Variants in CACNA1C observed in about 807,000 individuals in gnomAD.
The protein encoded by CACNA1C is voltage-dependent L-type calcium channel subunit alpha-1C.
In CACNA1C, 30 loss-of-function variants were observed where a neutral mutation model predicts 229.0. That is an observed-to-expected ratio of 0.13 (90% CI 0.10 to 0.18). The LOEUF (loss-of-function observed/expected upper bound fraction) is 0.18. Ranked by LOEUF, CACNA1C falls within the 10% of genes least tolerant of loss-of-function variation. The probability of loss-of-function intolerance (pLI) is 1.00; values close to 1 mark genes in which losing one functional copy is unlikely to be tolerated. For missense variants in CACNA1C, 1,658 were observed against 2,845.0 expected (o/e 0.58, Z 9.49); for synonymous variants, 1,114 against 1,132.5 (o/e 0.98, Z 0.33).
intron 1 of CACNA1C, among the ~76,000 whole-genome samples, chr12:2,058,000 C>T (rs973641320): frequency 1.1e-4 from 16 of 152,206 alleles, no homozygotes; most frequent in Non-Finnish European, 2.4e-4. Flanking sequence ...TATGAGTCTG[C>T]CTGGATCTCC....
Position 1,971,086 on chromosome 12 carries a change from T to A in CACNA1C, c.24T>A (p.Pro8=). 1 of 1,289,638 alleles carries A rather than the reference T, an allele frequency of 7.8e-7. No homozygotes were observed. Among genetic ancestry groups the A allele is most frequent in the Non-Finnish European group, 1.0e-6 (1 of 988,722 alleles). 79.9% of individuals were successfully genotyped at this position (1,289,638 alleles called of 1,614,324 possible). Residue 8 remains proline (P), a synonymous_variant, in exon 1 of 47, where the codon CCT becomes CCA. Transcript: ENST00000682462. This position sits in a 1 kb window ranked among gnomAD's most constrained non-coding sequence, Gnocchi z 4.2. ...CAATGCTTCGAGCCTTTGTTCAGCC[T>A]GGTACGCCTGCATACCAGCCGCTTC... is the stretch of plus-strand genomic sequence containing the variant.
intron 3 of CACNA1C, among the ~76,000 whole-genome samples, chr12:2,276,240 C>G (rs545999945): frequency 3.3e-5 from 5 of 152,098 alleles, no homozygotes; most frequent in Non-Finnish European, 5.9e-5. Flanking sequence ...GATATGAACC[C>G]GAATCTCTGT....
chr12:2,273,968 C>T (rs2086460036), intron 3 of CACNA1C, among the ~76,000 whole-genome samples: 1 of 152,180 alleles, frequency 6.6e-6, no homozygotes, highest in South Asian at 2.1e-4. Context: ...GTGGGCTGTG[C>T]TTGGCAGCCT....
At chr12:2,500,585 C>T (rs1465118751) in intron 7 of CACNA1C, among the ~76,000 whole-genome samples, 1 of 152,156 alleles carries the variant, frequency 6.6e-6, no homozygotes, top group African/African-American at 2.4e-5. Flanking sequence ...CTGTGGTGAG[C>T]ACGTCGTGGC....
intron 9 of CACNA1C, among the ~76,000 whole-genome samples, chr12:2,536,942 C>A (rs886573781): frequency 2.0e-5 from 3 of 152,222 alleles, no homozygotes; most frequent in Non-Finnish European, 4.4e-5. Flanking sequence ...GGAAACCGAG[C>A]CACAGAAGAG....
At chr12:2,552,297 C>A (rs532041730) in intron 10 of CACNA1C, among the ~76,000 whole-genome samples, 34 of 146,542 alleles carry the variant, frequency 2.3e-4, no homozygotes, top group African/African-American at 7.7e-4. Context: ...GTGGGAGAGA[C>A]ACTATGCAAA....
In CACNA1C at chr12:2,403,813, G is replaced by A. The variant is rs1314080752; in HGVS notation, c.478-45163G>A. Among the ~76,000 whole-genome samples, 2 of 152,186 alleles carry A rather than the reference G, an allele frequency of 1.3e-5. No individual in the cohort carries two copies. Among genetic ancestry groups the A allele is most frequent in the South Asian group, 2.1e-4 (1 of 4,828 alleles). On this transcript the variant is annotated intron_variant, in intron 3 of 46. Transcript: ENST00000399655. The surrounding 1 kb of genome is among the most constrained non-coding windows in gnomAD (Gnocchi z 4.1). ...GGTGCCTTTCCCACCACAAGATGAC[G>A]AAGATGTGGTGTTGACAGACTGCTG...
At chr12:2,606,540 GCTCA>G (rs1054802525) in intron 24 of CACNA1C, 67 bp from the exon 25 acceptor site, 14 of 1,245,670 alleles carry the variant, frequency 1.1e-5, no homozygotes, top group Middle Eastern at 1.8e-4. Flanking sequence ...CTATGGAGAT[GCTCA>G]CTAATTGCTT....
chr12:2,319,170 C>T lies in CACNA1C; in HGVS notation c.478-129806C>T, dbSNP rs2095843332. Among the ~76,000 whole-genome samples, 1 of 152,072 alleles carries T rather than the reference C, an allele frequency of 6.6e-6. No individual in the cohort carries two copies. Among genetic ancestry groups the T allele is most frequent in the South Asian group, 2.1e-4 (1 of 4,826 alleles). On this transcript the variant is annotated intron_variant, in intron 3 of 46. Transcript: ENST00000399655. This position sits in a 1 kb window ranked among gnomAD's most constrained non-coding sequence, Gnocchi z 4.0. ...ACCTGTCCTGGGCAGGCAGGGGTCC[C>T]CACATATCACTGCACCCTCGTGGGC...
At chr12:2,277,005 C>T (rs552750726) in intron 3 of CACNA1C, among the ~76,000 whole-genome samples, 1 of 152,266 alleles carries the variant, frequency 6.6e-6, no homozygotes, top group African/African-American at 2.4e-5. Flanking sequence ...CTGCTCATCA[C>T]AGGGGTTGCA....
chr12:2,642,512 A>T (rs528537014), intron 30 of CACNA1C, among the ~76,000 whole-genome samples: 1 of 152,254 alleles, frequency 6.6e-6, no homozygotes, highest in Non-Finnish European at 1.5e-5. Context: ...TAGTGAGGAG[A>T]CACAGGAAGG....
chr12:2,540,961 C>T (rs2099868539), intron 9 of CACNA1C, among the ~76,000 whole-genome samples: 3 of 152,138 alleles, frequency 2.0e-5, no homozygotes, highest in African/African-American at 7.2e-5. Flanking sequence ...CTTGGTTCCT[C>T]CTGAGGGTCA....
intron 3 of CACNA1C, among the ~76,000 whole-genome samples, chr12:2,373,763 C>G (rs1036535694): frequency 6.6e-6 from 1 of 152,168 alleles, no homozygotes; most frequent in African/African-American, 2.4e-5. Flanking sequence ...TTCCTTTTGC[C>G]TTTCCATTAG....
chr12:2,585,919 G>T lies in CACNA1C; in HGVS notation c.2530+15G>T. On this transcript the variant is annotated intron_variant, in intron 18 of 46. Coordinates refer to ENST00000399655, the MANE Select transcript of CACNA1C (RefSeq NM_000719.7). The surrounding 1 kb of genome is among the most constrained non-coding windows in gnomAD (Gnocchi z 4.1). The stretch of plus-strand genomic sequence containing the variant: ...AGAAACTACAGGTACCAGTCCCACT[G>T]CCTAACCTGGGATTGGGAGATTGGG... 1 of 1,526,994 alleles carries T rather than the reference G, an allele frequency of 6.5e-7. No homozygotes were observed. Among genetic ancestry groups the T allele is most frequent in the Non-Finnish European group, 8.9e-7 (1 of 1,119,506 alleles). The allele number at this position is 1,526,994 out of a possible 1,614,324, so 94.6% of individuals were successfully genotyped here.
intron 4 of CACNA1C, among the ~76,000 whole-genome samples, chr12:2,453,001 G>A (rs990985441): frequency 6.6e-6 from 1 of 152,178 alleles, no homozygotes; most frequent in African/African-American, 2.4e-5. Flanking sequence ...GGCCTCACCA[G>A]CTAACATAGG....
intron 3 of CACNA1C, among the ~76,000 whole-genome samples, chr12:2,201,249 C>A (rs1053171924): frequency 1.3e-5 from 2 of 152,110 alleles, no homozygotes; most frequent in African/African-American, 4.8e-5. Flanking sequence ...AGGTGGGGGA[C>A]CTTCCCCGCA....
chr12:2,453,763 G>T (rs1162222963), intron 4 of CACNA1C, among the ~76,000 whole-genome samples: 1 of 152,140 alleles, frequency 6.6e-6, no homozygotes, highest in Non-Finnish European at 1.5e-5. Context: ...GCCGGATGCT[G>T]GTTTTCATCT....
chr12:2,648,338 G>A (rs1245732148), intron 30 of CACNA1C, 137 bp from the exon 31 acceptor site: 12 of 796,458 alleles, frequency 1.5e-5, no homozygotes, highest in Non-Finnish European at 2.2e-5. Context: ...CCAGGCCTAC[G>A]CTTTCACGTT....
At chr12:2,559,395 A>C (rs1477000916) in intron 11 of CACNA1C, among the ~76,000 whole-genome samples, 1 of 152,208 alleles carries the variant, frequency 6.6e-6, no homozygotes, top group Non-Finnish European at 1.5e-5. Flanking sequence ...CCAGTGATCT[A>C]TGGTGCAAAC....
Sources: gnomAD v4.1 joint callset for allele counts (sites outside exome capture counted in the v4.1 genomes callset) on GRCh38, gnomAD v4.1.1 for gene constraint, Gnocchi (gnomAD v3.1) non-coding constraint, MANE v1.5 for transcripts, NCBI Gene and HGNC (gene_info 2026-07-23, HGNC 2026-07-21) for gene names.